OR6K6: variants seen among roughly 807,000 people sequenced by gnomAD.
OR6K6 encodes the protein olfactory receptor 6K6.
A neutral mutation model predicts 8.1 loss-of-function variants in OR6K6; 9 were observed. The ratio of observed to expected loss-of-function variants is 1.11; its 90% CI spans 0.67 to 1.94. OR6K6 has a LOEUF of 1.94. Among genes scored for constraint, OR6K6 ranks in the 30% most tolerant of loss-of-function variants. The probability of loss-of-function intolerance (pLI) is 0.00; values close to 1 mark genes in which losing one functional copy is unlikely to be tolerated. For synonymous variants in OR6K6, 156 were observed against 140.3 expected (o/e 1.11, Z -0.79); for missense variants, 400 against 383.1 (o/e 1.04, Z -0.37).
exon 1 of OR6K6, chr1:158,755,781 G>A (rs1375942911): frequency 2.5e-6 from 4 of 1,613,966 alleles, no homozygotes; most frequent in Admixed American, 1.7e-5. Context: ...TGAAAAACAA[G>A]GACATGAAAG....
At chr1:158,754,911 G>A (rs774355514) in exon 1 of OR6K6, 18 of 1,613,892 alleles carry the variant, frequency 1.1e-5, no homozygotes, top group Non-Finnish European at 1.5e-5. Flanking sequence ...CGGCCAGTGG[G>A]AATCAGACAA....
exon 1 of OR6K6, chr1:158,755,691 C>T (rs768808652): frequency 1.2e-6 from 2 of 1,614,056 alleles, no homozygotes; most frequent in African/African-American, 2.7e-5. Context: ...TCTCAGCCAC[C>T]TACTCAGTGT....
exon 1 of OR6K6, chr1:158,755,334 A>G (rs755165845): frequency 6.2e-7 from 1 of 1,614,200 alleles, no homozygotes; most frequent in South Asian, 1.1e-5. Flanking sequence ...TCCAGCTGAC[A>G]GTTGGATCCT....
chr1:158,755,726 C>T (rs982868558), exon 1 of OR6K6: 2 of 1,614,050 alleles, frequency 1.2e-6, no homozygotes, highest in South Asian at 1.1e-5. Flanking sequence ...ATTGCTGTCA[C>T]TTTTGTTATC....
At position 158,755,643 on chromosome 1, in the gene OR6K6, GC is replaced by G. The variant is rs758371453; in HGVS notation, c.757del (p.Leu253TyrfsTer11). ...GTGCTGCTCACCTTGCTGTGTTCTT[GC>G]TATTTTTTGGCAGTGTGGCTGTCAT... On this transcript the variant is annotated frameshift_variant, in exon 1 of 1. Transcript: ENST00000641861. LOFTEE classifies it high-confidence loss of function. The G allele has an allele frequency of 1.9e-6, 3 of 1,614,186 alleles. No homozygotes were observed. In the African/African-American group the frequency reaches 4.0e-5, roughly 22 times the overall value.
At chr1:158,755,120 C>A (rs1344601790) in exon 1 of OR6K6, 2 of 1,613,974 alleles carry the variant, frequency 1.2e-6, no homozygotes, top group Admixed American at 1.7e-5. Context: ...ATCTGCTATA[C>A]CACAACCACC....
rs771986024 is a variant in OR6K6, at chr1:158,754,767, G to T, written c.-121G>T. On this transcript the variant is annotated 5_prime_UTR_variant, in exon 1 of 1. Transcript: ENST00000641861. ...AAAGCTTAAGAGATATTTCTAACTG[G>T]TTTCTTCAGGATTCCAGAATCAGCT... The T allele has an allele frequency of 1.6e-4, 219 of 1,366,618 alleles. 1 individual carries two copies. The highest frequency in any genetic ancestry group is 9.3e-4 in the Middle Eastern group (5 of 5,376). The allele number at this position is 1,366,618 out of a possible 1,614,324, so 84.7% of individuals were successfully genotyped here.
rs146158626 is a variant in OR6K6 at position 158,755,558 on chromosome 1, T to A, written c.671T>A (p.Ile224Asn). ...GTCATTGCTCTATCCTACATCCGGATTATTATAGTGATTCTGGGAATGCAC... is the reference window on the plus strand; with the variant it reads ...GTCATTGCTCTATCCTACATCCGGAATATTATAGTGATTCTGGGAATGCAC... The change falls in exon 1 of 1, where the codon ATT (isoleucine) becomes AAT (asparagine). Residue 224 changes from isoleucine to asparagine, a missense_variant. Coordinates refer to ENST00000641861, the Ensembl canonical transcript of OR6K6. The A allele has an allele frequency of 1.7e-4, 271 of 1,614,170 alleles. 1 individual carries two copies. In the African/African-American group the frequency reaches 3.3e-3, roughly 20 times the overall value.
downstream of OR6K6, chr1:158,755,891 ATTTCACTG>A: frequency 7.5e-7 from 1 of 1,328,520 alleles, no homozygotes; most frequent in Non-Finnish European, 1.0e-6. Context: ...GAAGAGCAAA[ATTTCACTG>A]TTATTTATCT....
At chr1:158,755,242 C>T (rs1278829942) in exon 1 of OR6K6, 1 of 1,613,960 alleles carries the variant, frequency 6.2e-7, no homozygotes. Context: ...AAGCTGTGTC[C>T]TGACAGCAAT....
chr1:158,754,870 C>T lies in OR6K6; in HGVS notation c.-18C>T, dbSNP rs779056999. Reference sequence around the variant, plus strand: ...TTCCAATTATAGGAGTCTCTTGTTTCCTTTTCTGTGTTCACAGATGACACA... The same window carrying T: ...TTCCAATTATAGGAGTCTCTTGTTTTCTTTTCTGTGTTCACAGATGACACA... On this transcript the variant is annotated 5_prime_UTR_variant, in exon 1 of 1. Transcript: ENST00000641861. 5 of 1,613,740 alleles carry T rather than the reference C, an allele frequency of 3.1e-6. No homozygotes were observed. The East Asian group carries it at 1.1e-4, about 36-fold the overall frequency.
At chr1:158,755,724 C>A in exon 1 of OR6K6, 1 of 1,614,110 alleles carries the variant, frequency 6.2e-7, no homozygotes, top group East Asian at 2.2e-5. Flanking sequence ...CAATTGCTGT[C>A]ACTTTTGTTA....
In OR6K6 at chr1:158,755,293, TA is replaced by T. The variant is rs778545667; in HGVS notation, c.407del (p.Tyr136SerfsTer5). ...CATAGCTATCTGCAATCCACTCCGTTACCCAACCATCATGATTCCCAAACTT... is the reference window on the plus strand; with the variant it reads ...CATAGCTATCTGCAATCCACTCCGTTCCCAACCATCATGATTCCCAAACTT... On this transcript the variant is annotated frameshift_variant, in exon 1 of 1. Transcript: ENST00000641861. LOFTEE classifies it high-confidence loss of function. The T allele has an allele frequency of 5.0e-6, 8 of 1,614,056 alleles. No homozygotes were observed. The South Asian group carries it at 8.8e-5, about 18-fold the overall frequency.
At chr1:158,754,854 T>C (rs1196955489) in exon 1 of OR6K6, 1 of 1,613,088 alleles carries the variant, frequency 6.2e-7, no homozygotes, top group Non-Finnish European at 8.5e-7. Context: ...ATTCCAATTA[T>C]AGGAGTCTCT....
exon 1 of OR6K6, chr1:158,755,708 A>T: frequency 6.2e-7 from 1 of 1,614,118 alleles, no homozygotes; most frequent in Non-Finnish European, 8.5e-7. Flanking sequence ...GTGTTTTGGG[A>T]CACAGCAATT....
chr1:158,755,067 C>T, exon 1 of OR6K6: 1 of 1,614,166 alleles, frequency 6.2e-7, no homozygotes, highest in South Asian at 1.1e-5. Context: ...TGGCCCTGCA[C>T]ACCCCTTTGT....
Position 158,755,573 on chromosome 1 carries a change from T to C in OR6K6, c.686T>C (p.Leu229Pro), listed in dbSNP as rs200438657. ...TACATCCGGATTATTATAGTGATTC[T>C]GGGAATGCACTCAGCTGAAGGTCAT... is the stretch of plus-strand genomic sequence containing the variant. Residue 229 changes from leucine (L) to proline (P), a missense_variant, in exon 1 of 1, where the codon CTG becomes CCG. Leu to Pro is a moderately conservative substitution (Grantham distance 98, BLOSUM62 -3). Transcript: ENST00000641861. The C allele has an allele frequency of 2.4e-5, 39 of 1,614,212 alleles. No homozygotes were observed. The East Asian group carries it at 7.4e-4, about 30-fold the overall frequency.
At chr1:158,754,903 G>A (rs377497335) in exon 1 of OR6K6, 1 of 1,614,038 alleles carries the variant, frequency 6.2e-7, no homozygotes, top group South Asian at 1.1e-5. Context: ...ACAGTTGACG[G>A]CCAGTGGGAA....
At chr1:158,754,994 T>A (rs771091247) in exon 1 of OR6K6, 23 of 1,614,196 alleles carry the variant, frequency 1.4e-5, no homozygotes, top group Non-Finnish European at 1.9e-5. Flanking sequence ...ATTCCCTTGC[T>A]TCTCATCTAC....
Sources: allele counts gnomAD v4.1 joint callset, GRCh38; gene constraint gnomAD v4.1.1; transcripts MANE v1.5; gene names NCBI Gene and HGNC (gene_info 2026-07-23, HGNC 2026-07-21).